The following SLC25A29 variants were observed in gnomAD, a reference collection of about 807,000 sequenced individuals.
SLC25A29 encodes solute carrier family 25 member 29.
Under a neutral mutation model 10.0 loss-of-function variants are expected in SLC25A29, and 13 were observed. That is an observed-to-expected ratio of 1.30 (90% CI 0.85 to 2.07). The LOEUF (loss-of-function observed/expected upper bound fraction) is 2.07, where lower values mean the gene tolerates loss of function less well. Among genes scored for constraint, SLC25A29 ranks in the 30% most tolerant of loss-of-function variants. The pLI, the probability that SLC25A29 is intolerant of heterozygous loss-of-function variation, is 0.00. For missense variants in SLC25A29, 475 were observed against 447.6 expected (o/e 1.06, Z -0.55); for synonymous variants, 244 against 221.1 (o/e 1.10, Z -0.92).
At chr14:100,302,500 C>T (rs1331855790) in intron 1 of SLC25A29, among the ~76,000 whole-genome samples, 3 of 151,802 alleles carry the variant, frequency 2.0e-5, no homozygotes, top group Non-Finnish European at 4.4e-5. Context: ...GCTGGGACTA[C>T]AGGTGCGTGC....
In SLC25A29 at chr14:100,292,908, A is replaced by T; in HGVS notation, c.287T>A (p.Phe96Tyr). The change falls in exon 4 of 4, where the codon TTC becomes TAC. Residue 96 changes from phenylalanine to tyrosine, a missense_variant. Transcript: ENST00000359232. ...GGCGCCCGCCGCCGCACCTGCCAGG[A>T]ACTGGTTGAGGGGCGAGTCGTGGCC... ...ALGHDSPLNQFLAGAAAGAIQ... is the reference protein window; with the variant it reads ...ALGHDSPLNQYLAGAAAGAIQ... 1 of 1,608,586 alleles carries T rather than the reference A, an allele frequency of 6.2e-7. No individual in the cohort carries two copies.
At chr14:100,279,363 G>A in the SLC25A29 span, 1 of 152,226 alleles carries the variant, frequency 6.6e-6, no homozygotes, top group African/African-American at 2.4e-5. Context: ...TTCTCCATCG[G>A]TCCTGTACAG....
In SLC25A29 at chr14:100,292,406, A is replaced by C; in HGVS notation, c.789T>G (p.Ala263=). 6.3e-7 allele frequency: 1 copy of C among 1,575,068 alleles called. No individual in the cohort carries two copies. Residue 263 remains alanine, a synonymous_variant, in exon 4 of 4, where the codon GCT becomes GCG. Transcript: ENST00000359232. ...CCACCGTGACGGTGGCGAAGGTGGC[A>C]GCGTTGACGGGGAAGGCGCGCAGCA... ...STLLRAFPVN[A]ATFATVTVVL...
At chr14:100,304,573 A>T (rs970833858) in intron 1 of SLC25A29, among the ~76,000 whole-genome samples, 25 of 151,794 alleles carry the variant, frequency 1.6e-4, no homozygotes, top group Admixed American at 3.9e-4. Flanking sequence ...GCCTGGGGGC[A>T]GGGGGGTGGC....
chr14:100,292,672 G>C lies in SLC25A29; in HGVS notation c.523C>G (p.Leu175Val). ...GGCTCGCAGCCCAGCGCCCGCGTGAGAGCGTCATAGGTGAGGAAGTAGACG... is the reference window on the plus strand; with the variant it reads ...GGCTCGCAGCCCAGCGCCCGCGTGACAGCGTCATAGGTGAGGAAGTAGACG... ...FGVYFLTYDA[L>V]TRALGCEPGD... Residue 175 changes from leucine (L) to valine (V), a missense_variant, in exon 4 of 4, where the codon CTC becomes GTC. Coordinates refer to ENST00000359232, the MANE Select transcript of SLC25A29 (RefSeq NM_001039355.3). 1 of 1,601,748 alleles carries C rather than the reference G, an allele frequency of 6.2e-7. No individual in the cohort carries two copies. Among genetic ancestry groups the C allele is most frequent in the Non-Finnish European group, 8.5e-7 (1 of 1,175,776 alleles).
At chr14:100,303,741 C>T (rs2139799493) in intron 1 of SLC25A29, among the ~76,000 whole-genome samples, 1 of 151,418 alleles carries the variant, frequency 6.6e-6, no homozygotes, top group South Asian at 2.1e-4. Flanking sequence ...ACTGTCCTCC[C>T]TAAGCTGGGC....
rs1891780317 is a variant in SLC25A29 at position 100,292,439 on chromosome 14, C to T, written c.756G>A (p.Ala252=). The stretch of plus-strand genomic sequence containing the variant: ...CGGGGAAGGCGCGCAGCAGCGTGGA[C>T]GCCAGCCCCCGTGTGAAGACGCGCC... ...EGWRVFTRGL[A]STLLRAFPVN... Residue 252 remains alanine, a synonymous_variant, in exon 4 of 4, where the codon GCG becomes GCA. Coordinates refer to ENST00000359232, the MANE Select transcript of SLC25A29 (RefSeq NM_001039355.3). 3 of 1,578,106 alleles carry T rather than the reference C, an allele frequency of 1.9e-6. No homozygotes were observed. Among genetic ancestry groups the T allele is most frequent in the South Asian group, 1.2e-5 (1 of 86,882 alleles).
intron 2 of SLC25A29, chr14:100,298,544 T>C (rs1017579232): frequency 4.0e-6 from 2 of 504,598 alleles, no homozygotes; most frequent in African/African-American, 3.9e-5. Flanking sequence ...TTCAAGGAAC[T>C]GTTTGGGAGA....
At chr14:100,299,192 C>A in intron 1 of SLC25A29, 1 of 1,276,760 alleles carries the variant, frequency 7.8e-7, no homozygotes, top group Non-Finnish European at 9.9e-7. Context: ...AGAAGTTGTC[C>A]CCTGGGAGGC....
At chr14:100,304,235 T>C (rs1595374940) in intron 1 of SLC25A29, among the ~76,000 whole-genome samples, 1 of 151,910 alleles carries the variant, frequency 6.6e-6, no homozygotes, top group Non-Finnish European at 1.5e-5. Flanking sequence ...CAAGGTGGGG[T>C]GCCTCTGGGC....
chr14:100,299,338 T>C, intron 1 of SLC25A29: 1 of 1,022,090 alleles, frequency 9.8e-7, no homozygotes, highest in Non-Finnish European at 1.2e-6. Flanking sequence ...CCTGGCGTGC[T>C]CACAAATGAC....
At chr14:100,298,502 T>C (rs12436848) in intron 2 of SLC25A29, 377,287 of 392,166 alleles carry the variant, frequency 0.96, 182,749 homozygotes, top group Non-Finnish European at 1. Flanking sequence ...GTTTTGGTTT[T>C]TTTTGTATTT....
Position 100,291,199 on chromosome 14 carries a change from G to A in SLC25A29, c.*1084C>T, listed in dbSNP as rs1360285598. The stretch of plus-strand genomic sequence containing the variant: ...TGCAAAGCCCAGTGTCGTCTTCACT[G>A]AGCACATTCCCCAGGACGCCTGGTG... On this transcript the variant is annotated 3_prime_UTR_variant, in exon 4 of 4. Coordinates refer to ENST00000359232, the MANE Select transcript of SLC25A29 (RefSeq NM_001039355.3). 1 of 152,222 alleles carries A rather than the reference G, an allele frequency of 6.6e-6. No individual in the cohort carries two copies. The highest frequency in any genetic ancestry group is 1.5e-5 in the Non-Finnish European group (1 of 68,044). The allele number at this position is 152,222 out of a possible 1,614,324, so 9.4% of individuals were successfully genotyped here.
rs1891743287 is a variant in SLC25A29 at position 100,292,147 on chromosome 14, C to T, written c.*136G>A. On this transcript the variant is annotated 3_prime_UTR_variant, in exon 4 of 4. Transcript: ENST00000359232. ...TCTCGGCCAAAACTACCCAGCTGAT[C>T]AGCAAAATTCAGCCCACGTCTGATA... The T allele has an allele frequency of 8.4e-7, 1 of 1,196,878 alleles. No individual in the cohort carries two copies. The highest frequency in any genetic ancestry group is 1.2e-6 in the Non-Finnish European group (1 of 846,574). 74.1% of individuals were successfully genotyped at this position (1,196,878 alleles called of 1,614,324 possible). A position where few individuals can be genotyped will look rare whatever the true frequency, so the allele number is the denominator to read the frequency against.
chr14:100,279,096 G>A, the SLC25A29 span: 1 of 152,332 alleles, frequency 6.6e-6, no homozygotes, highest in East Asian at 1.9e-4. Context: ...TGCTCAATGA[G>A]TACCTCTCAC....
the SLC25A29 span, chr14:100,281,752 G>T: frequency 3.3e-5 from 5 of 152,186 alleles, no homozygotes; most frequent in African/African-American, 1.2e-4. Context: ...CTTGATTTAT[G>T]TTGTTACTGC....
At chr14:100,288,139 T>C (rs1325949086), downstream of SLC25A29, among the ~76,000 whole-genome samples, 1 of 152,006 alleles carries the variant, frequency 6.6e-6, no homozygotes, top group African/African-American at 2.4e-5. Context: ...TCTCAGCATT[T>C]TGGGAGGCTG....
chr14:100,287,727 C>A (rs968383787), downstream of SLC25A29, among the ~76,000 whole-genome samples: 3 of 150,012 alleles, frequency 2.0e-5, no homozygotes, highest in African/African-American at 7.3e-5. Flanking sequence ...TGCCTCCTAA[C>A]CTCCTGTGGG....
the SLC25A29 span, among the ~76,000 whole-genome samples, chr14:100,285,200 C>A: frequency 6.6e-6 from 1 of 152,074 alleles, no homozygotes; most frequent in African/African-American, 2.4e-5. Flanking sequence ...CCAGCCCTAG[C>A]CCCTGCCCGC....
Sources: gnomAD v4.1 joint callset for allele counts (sites outside exome capture counted in the v4.1 genomes callset) on GRCh38, gnomAD v4.1.1 for gene constraint, MANE v1.5 for transcripts, NCBI Gene and HGNC (gene_info 2026-07-23, HGNC 2026-07-21) for gene names.